The following POGZ variants were observed in gnomAD, a reference collection of about 807,000 sequenced individuals.
The protein encoded by POGZ is pogo transposable element derived with ZNF domain, also known as pogo transposable element with ZNF domain.
In POGZ, 17 loss-of-function variants were observed where a neutral mutation model predicts 134.6. The observed-to-expected ratio is 0.13, with a 90% CI of 0.09 to 0.19. The LOEUF is 0.19. Among genes scored for constraint, POGZ ranks in the 10% least tolerant of loss-of-function variants. POGZ has a pLI of 1.00. For missense variants in POGZ, 1,306 were observed against 1,769.7 expected, an observed-to-expected ratio of 0.74 and a Z score of 4.70; for synonymous variants, 693 against 657.1, an observed-to-expected ratio of 1.05 and a Z score of -0.84.
In POGZ at chr1:151,424,150, A is replaced by G. The variant is rs1272435041; in HGVS notation, c.1322T>C (p.Ile441Thr). Reference sequence around the variant, plus strand: ...TTTGGTAGGCGGTGACAGAGCAGGAATAGGTGTAGAAGAGGGTGTGGAAGC... The same window carrying G: ...TTTGGTAGGCGGTGACAGAGCAGGAGTAGGTGTAGAAGAGGGTGTGGAAGC... ...PVASTPSSTP[I>T]PALSPPTKVP... The change falls in exon 9 of 19, where the codon ATT becomes ACT. Residue 441 changes from isoleucine to threonine, a missense_variant. By Grantham distance (89) the Ile-to-Thr change is moderately conservative. Around this residue, in one of 10 missense-constraint regions of POGZ, gnomAD observed 541 missense variants for 680.5 expected, o/e 0.80. Coordinates refer to ENST00000271715, the MANE Select transcript of POGZ (RefSeq NM_015100.4). The G allele has an allele frequency of 6.2e-7, 1 of 1,614,046 alleles. No individual in the cohort carries two copies. Among genetic ancestry groups the G allele is most frequent in the African/African-American group, 1.3e-5 (1 of 74,916 alleles).
chr1:151,408,374 C>T, intron 14 of POGZ, 35 bp downstream of exon 14: 1 of 1,540,208 alleles, frequency 6.5e-7, no homozygotes, highest in Non-Finnish European at 8.8e-7. Context: ...GCCACCCAGT[C>T]CCCACCCGCC....
chr1:151,433,213 A>G lies in POGZ; in HGVS notation c.284-2372T>C, dbSNP rs112320451. 3.0e-3 allele frequency among the ~76,000 whole-genome samples: 454 copies of G among 152,342 alleles called. 1 individual carries two copies. The highest frequency in any genetic ancestry group is 0.011 in the African/African-American group (441 of 41,580). On this transcript the variant is annotated intron_variant, in intron 3 of 18. Coordinates refer to ENST00000271715, the MANE Select transcript of POGZ (RefSeq NM_015100.4). ...TCTCTTAAAGACAGACCAGGTTTCCATGAAACCCGTAAATACCATTATAAA... is the reference window on the plus strand; with the variant it reads ...TCTCTTAAAGACAGACCAGGTTTCCGTGAAACCCGTAAATACCATTATAAA...
chr1:151,458,510 T>C (rs1019985116), intron 1 of POGZ, among the ~76,000 whole-genome samples: 2 of 151,726 alleles, frequency 1.3e-5, no homozygotes, highest in African/African-American at 2.4e-5. Flanking sequence ...AATCACTCAT[T>C]TTCCTCCTCC....
intron 1 of POGZ, among the ~76,000 whole-genome samples, chr1:151,457,706 C>G (rs1255686076): frequency 1.3e-5 from 2 of 152,198 alleles, no homozygotes; most frequent in African/African-American, 4.8e-5. Flanking sequence ...GCGGGCGGAT[C>G]ACCTGAGGTC....
intron 10 of POGZ, among the ~76,000 whole-genome samples, chr1:151,417,068 C>CTTTTTTTT (rs562262990): frequency 6.9e-6 from 1 of 144,976 alleles, no homozygotes; most frequent in African/African-American, 2.5e-5. Context: ...TCTGTTAGAT[C>CTTTTTTTT]TTTTTTTTTT....
At chr1:151,448,819 C>A (rs374700414) in intron 1 of POGZ, among the ~76,000 whole-genome samples, 1 of 152,072 alleles carries the variant, frequency 6.6e-6, no homozygotes, top group Non-Finnish European at 1.5e-5. Flanking sequence ...GAGCTGTGAT[C>A]GAGCCACTGC....
intron 4 of POGZ, 152 bp downstream of exon 4, chr1:151,430,514 G>A (rs922184387): frequency 3.5e-6 from 2 of 577,770 alleles, no homozygotes; most frequent in Non-Finnish European, 6.0e-6. Context: ...TCCACAGTTG[G>A]CATCAAATTA....
chr1:151,443,734 A>T (rs934646827), intron 1 of POGZ, among the ~76,000 whole-genome samples: 60 of 152,208 alleles, frequency 3.9e-4, no homozygotes, highest in African/African-American at 1.4e-3. Flanking sequence ...AAAAATAAAT[A>T]AAAACAAATA....
chr1:151,427,065 T>G (rs1657910913), intron 7 of POGZ: 3 of 150,962 alleles, frequency 2.0e-5, no homozygotes, highest in African/African-American at 7.3e-5. Flanking sequence ...CCACCACGCC[T>G]GGCTAATCTT....
intron 1 of POGZ, among the ~76,000 whole-genome samples, chr1:151,453,197 G>T (rs930104386): frequency 3.3e-5 from 5 of 151,982 alleles, no homozygotes; most frequent in Non-Finnish European, 5.9e-5. Flanking sequence ...TTCGGTTACA[G>T]GTGTGAGCCA....
At chr1:151,446,053 T>TC (rs1401744517) in intron 1 of POGZ, among the ~76,000 whole-genome samples, 6 of 150,304 alleles carry the variant, frequency 4.0e-5, no homozygotes, top group African/African-American at 1.5e-4. Flanking sequence ...CAACTTTTTT[T>TC]TTTTTTTTTT....
chr1:151,443,573 G>A (rs1372190670), intron 1 of POGZ, among the ~76,000 whole-genome samples: 2 of 152,078 alleles, frequency 1.3e-5, no homozygotes, highest in Non-Finnish European at 2.9e-5. Flanking sequence ...AATTAGCCGG[G>A]CGTGGTGGTG....
At position 151,403,891 on chromosome 1, in the gene POGZ, C is replaced by G. The variant is rs1653127388; in HGVS notation, c.*911G>C. ...GGGGCTTACAGGATGAAGACTCAAA[C>G]TGGGAATGGCTTCCACCCTAAAACT... On this transcript the variant is annotated 3_prime_UTR_variant, in exon 19 of 19. Coordinates refer to ENST00000271715, the MANE Select transcript of POGZ (RefSeq NM_015100.4). 1.0e-6 allele frequency: 1 copy of G among 985,376 alleles called. No homozygotes were observed. The highest frequency in any genetic ancestry group is 1.2e-6 in the Non-Finnish European group (1 of 829,962). 61.0% of individuals were successfully genotyped at this position (985,376 alleles called of 1,614,324 possible).
In POGZ at chr1:151,404,922, G is replaced by C. The variant is rs778533911; in HGVS notation, c.4113C>G (p.Pro1371=). 6.2e-7 allele frequency: 1 copy of C among 1,614,192 alleles called. No homozygotes were observed. The highest frequency in any genetic ancestry group is 1.6e-4 in the Middle Eastern group (1 of 6,062). The change falls in exon 19 of 19, where the codon CCC becomes CCG. Residue 1371 remains proline, a synonymous_variant. Transcript: ENST00000271715. ...CAATTGTCTCTTCAGGAGATGATCT[G>C]GGTCGTGGAGTGGAAGACTCAGAAT... The part of the protein sequence containing the change: ...GEHSESSTPR[P]RSSPEETIEP...
chr1:151,412,701 T>G (rs1042350109), intron 10 of POGZ, among the ~76,000 whole-genome samples: 3 of 152,182 alleles, frequency 2.0e-5, no homozygotes, highest in East Asian at 1.9e-4. Flanking sequence ...ACTGTTTCCC[T>G]TTTTCCTTTC....
Position 151,404,757 on chromosome 1 carries a change from C to G in POGZ, c.*45G>C, listed in dbSNP as rs199586607. The G allele has an allele frequency of 1.3e-6, 2 of 1,539,468 alleles. No homozygotes were observed. Among genetic ancestry groups the G allele is most frequent in the Non-Finnish European group, 8.7e-7 (1 of 1,143,520 alleles). On this transcript the variant is annotated 3_prime_UTR_variant, in exon 19 of 19. Transcript: ENST00000271715. ...TTCCCTAAGCCCCTTTACCCTCCCT[C>G]ACATGTTCCCACCCTCACTCCACAC...
rs957980380 is a variant in POGZ, at chr1:151,441,058, A to G, written c.153T>C (p.Ala51=). 16 of 1,614,018 alleles carry G rather than the reference A, an allele frequency of 9.9e-6. No individual in the cohort carries two copies. Among genetic ancestry groups the G allele is most frequent in the Non-Finnish European group, 1.4e-5 (16 of 1,179,936 alleles). The change falls in exon 3 of 19, where the codon GCT becomes GCC. Residue 51 remains alanine, a synonymous_variant. Coordinates refer to ENST00000271715, the MANE Select transcript of POGZ (RefSeq NM_015100.4). ...AAGCATGGGCAGCGATGGGCACTGG[A>G]GCCGAGACTGGCTGCTGGCTCACAG... ...TVSVSQQPVS[A]PVPIAAHASV... is the part of the protein sequence containing the mutation.
Position 151,459,452 on chromosome 1 carries a change from C to G in POGZ, c.-302G>C, listed in dbSNP as rs985292500. ...CGGGAGCTGGCGCGGGGGAGAGAGA[C>G]GCCGACTCCCCCCACCGACCCTCTC... On this transcript the variant is annotated 5_prime_UTR_variant, in exon 1 of 19. Coordinates refer to ENST00000271715, the MANE Select transcript of POGZ (RefSeq NM_015100.4). 6.6e-6 allele frequency: 1 copy of G among 151,994 alleles called. No individual in the cohort carries two copies. Among genetic ancestry groups the G allele is most frequent in the African/African-American group, 2.4e-5 (1 of 41,370 alleles). The allele number at this position is 151,994 out of a possible 1,614,324, so 9.4% of individuals were successfully genotyped here.
At chr1:151,422,277 T>C (rs552112331) in intron 10 of POGZ, among the ~76,000 whole-genome samples, 5 of 152,302 alleles carry the variant, frequency 3.3e-5, no homozygotes, top group East Asian at 1.9e-4. Flanking sequence ...ATCAATGATA[T>C]CTTAAAATGT....
Sources: allele counts gnomAD v4.1 joint callset (sites outside exome capture counted in the v4.1 genomes callset), GRCh38; gene constraint gnomAD v4.1.1; regional missense constraint gnomAD v4.1.1; transcripts MANE v1.5; gene names NCBI Gene and HGNC (gene_info 2026-07-23, HGNC 2026-07-21).